Variants in UNC13C observed in about 807,000 individuals in gnomAD.
UNC13C encodes the protein protein unc-13 homolog C.
UNC13C carries 174 observed loss-of-function variants against 245.4 expected under a neutral mutation model. The ratio of observed to expected loss-of-function variants is 0.71; its 90% CI spans 0.63 to 0.80. The LOEUF (loss-of-function observed/expected upper bound fraction) is 0.80. UNC13C is among the 30% of genes least tolerant of loss of function. The pLI is 0.00. For missense variants in UNC13C, 2,829 were observed against 2,602.9 expected (o/e 1.09, Z -1.89); for synonymous variants, 992 against 895.1 (o/e 1.11, Z -1.93).
chr15:53,944,925 T>C, the UNC13C span, among the ~76,000 whole-genome samples: 41 of 152,310 alleles, frequency 2.7e-4, no homozygotes, highest in Admixed American at 1.4e-3. Flanking sequence ...TACCAGCATC[T>C]GTTATTTTTT....
Position 54,250,696 on chromosome 15 carries a change from C to A in UNC13C, c.3448+252C>A, listed in dbSNP as rs79527066. ...AAATTGCACTCTCATCCAGCATAAA[C>A]CTTCAAAGTGACTTCCTATCTATTT... On this transcript the variant is annotated intron_variant, in intron 8 of 32. Coordinates refer to ENST00000260323, the MANE Select transcript of UNC13C (RefSeq NM_001080534.3). 8.7e-3 allele frequency among the ~76,000 whole-genome samples: 1,310 copies of A among 150,476 alleles called. 31 individuals are homozygous for A. The highest frequency in any genetic ancestry group is 0.03 in the African/African-American group (1,236 of 40,800).
chr15:53,966,273 G>C, the UNC13C span, among the ~76,000 whole-genome samples: 2 of 152,066 alleles, frequency 1.3e-5, no homozygotes, highest in Non-Finnish European at 2.9e-5. Flanking sequence ...ATTGATGGTT[G>C]TATCTTTTTC....
At chr15:54,010,593 C>G (rs978777413) in intron 1 of UNC13C, among the ~76,000 whole-genome samples, 2 of 152,118 alleles carry the variant, frequency 1.3e-5, no homozygotes, top group Non-Finnish European at 1.5e-5. Context: ...ATTGCTGAGG[C>G]AGATGTGCTT....
At chr15:54,150,109 T>C (rs1220987006) in intron 4 of UNC13C, among the ~76,000 whole-genome samples, 2 of 152,234 alleles carry the variant, frequency 1.3e-5, no homozygotes, top group African/African-American at 4.8e-5. Flanking sequence ...CTTTTTACTA[T>C]GGTAAAGTAT....
At chr15:54,283,792 T>C (rs1363474863) in intron 10 of UNC13C, among the ~76,000 whole-genome samples, 1 of 152,032 alleles carries the variant, frequency 6.6e-6, no homozygotes, top group African/African-American at 2.4e-5. Flanking sequence ...GTTTTATCGA[T>C]TGGGCGCAGA....
chr15:54,500,836 T>C lies in UNC13C; in HGVS notation c.5159T>C (p.Phe1720Ser), dbSNP rs1894177178. The change falls in exon 22 of 33, where the codon TTC becomes TCC. Residue 1720 changes from phenylalanine to serine, a missense_variant and splice_region_variant. Physicochemically the swap from Phe to Ser is radical, Grantham distance 155. Coordinates refer to ENST00000260323, the MANE Select transcript of UNC13C (RefSeq NM_001080534.3). ...GALGRDKKDGFQQTSEHALFS... is the reference protein window; with the variant it reads ...GALGRDKKDGSQQTSEHALFS... ...TGGTTTCACCTCCTCTCCCCACAGT[T>C]CCAGCAGACATCTGAGCATGCTCTC... 1.2e-6 allele frequency: 2 copies of C among 1,612,494 alleles called. No homozygotes were observed. The highest frequency in any genetic ancestry group is 1.7e-6 in the Non-Finnish European group (2 of 1,179,070).
intron 1 of UNC13C, among the ~76,000 whole-genome samples, chr15:54,002,024 C>T (rs937095932): frequency 6.6e-6 from 1 of 152,250 alleles, no homozygotes; most frequent in East Asian, 1.9e-4. Flanking sequence ...TGGTGGCTCA[C>T]GCCTGTAATC....
At chr15:54,552,410 ATATAT>A (rs1896784969) in intron 28 of UNC13C, among the ~76,000 whole-genome samples, 1 of 4,172 alleles carries the variant, frequency 2.4e-4, no homozygotes, top group South Asian at 8.3e-3. Context: ...TTATATAATT[ATATAT>A]TACAATATAT....
chr15:54,432,821 T>C (rs1363875162), intron 19 of UNC13C, among the ~76,000 whole-genome samples: 1 of 151,934 alleles, frequency 6.6e-6, no homozygotes, highest in East Asian at 1.9e-4. Context: ...GCTGGTTTTT[T>C]GAAAAGATTA....
At position 54,516,040 on chromosome 15, in the gene UNC13C, C is replaced by T. The variant is rs567411405; in HGVS notation, c.5457+4210C>T. Among the ~76,000 whole-genome samples the T allele has an allele frequency of 7.9e-5, 12 of 152,184 alleles. No homozygotes were observed. The South Asian group carries it at 1.2e-3, about 16-fold the overall frequency. Reference sequence around the variant, plus strand: ...TTATTTCAGAGATGTATATCTATGTCGCTTTTAATTTTTAATGACAAATTT... The same window carrying T: ...TTATTTCAGAGATGTATATCTATGTTGCTTTTAATTTTTAATGACAAATTT... On this transcript the variant is annotated intron_variant, in intron 24 of 32. Coordinates refer to ENST00000260323, the MANE Select transcript of UNC13C (RefSeq NM_001080534.3).
chr15:54,494,621 G>A lies in UNC13C; in HGVS notation c.4947G>A (p.Gln1649=). ...MKYALEEHEN[Q]RLCKSTDYMN... The stretch of plus-strand genomic sequence containing the variant: ...TATCTGTTATAGAACATGAAAATCA[G>A]CGGTTATGCAAGAGCACCGATTATA... The change falls in exon 20 of 33, where the codon CAG becomes CAA. Residue 1649 remains glutamine (Q), a synonymous_variant. Coordinates refer to ENST00000260323, the MANE Select transcript of UNC13C (RefSeq NM_001080534.3). 6.2e-7 allele frequency: 1 copy of A among 1,607,572 alleles called. No individual in the cohort carries two copies. The highest frequency in any genetic ancestry group is 8.5e-7 in the Non-Finnish European group (1 of 1,177,310).
chr15:54,565,319 G>T (rs1264727715), intron 29 of UNC13C, among the ~76,000 whole-genome samples: 1 of 151,848 alleles, frequency 6.6e-6, no homozygotes, highest in Non-Finnish European at 1.5e-5. Context: ...TCTGGCTCAT[G>T]ATACAGATTT....
chr15:54,420,477 G>A (rs1015721303), intron 19 of UNC13C, among the ~76,000 whole-genome samples: 1 of 151,770 alleles, frequency 6.6e-6, no homozygotes, highest in Non-Finnish European at 1.5e-5. Context: ...CTCGTTGGTC[G>A]CACAGTTCAG....
At chr15:54,179,555 G>GAGAT (rs1188464366) in intron 4 of UNC13C, among the ~76,000 whole-genome samples, 7 of 151,948 alleles carry the variant, frequency 4.6e-5, no homozygotes, top group African/African-American at 1.7e-4. Context: ...AATATAATTA[G>GAGAT]AGATAGTTCA....
At chr15:53,847,551 A>C in the UNC13C span, among the ~76,000 whole-genome samples, 1 of 148,660 alleles carries the variant, frequency 6.7e-6, no homozygotes, top group East Asian at 2.0e-4. Flanking sequence ...TTTTTAGTAG[A>C]GATGAGGTTT....
At chr15:54,579,846 C>T (rs940969065) in intron 30 of UNC13C, among the ~76,000 whole-genome samples, 1 of 152,134 alleles carries the variant, frequency 6.6e-6, no homozygotes, top group African/African-American at 2.4e-5. Flanking sequence ...GTGGGACCCA[C>T]ATGTTATTGT....
chr15:54,581,782 G>C (rs2141240180), intron 30 of UNC13C, among the ~76,000 whole-genome samples: 1 of 152,316 alleles, frequency 6.6e-6, no homozygotes, highest in South Asian at 2.1e-4. Context: ...AACTCTAGGA[G>C]TCGGGCTCAA....
chr15:54,115,413 T>C (rs931968263), intron 2 of UNC13C, among the ~76,000 whole-genome samples: 2 of 152,112 alleles, frequency 1.3e-5, no homozygotes, highest in African/African-American at 4.8e-5. Flanking sequence ...TTATAATAAG[T>C]CAGTTCCCAT....
chr15:53,877,676 G>A, the UNC13C span, among the ~76,000 whole-genome samples: 1 of 152,090 alleles, frequency 6.6e-6, no homozygotes, highest in Non-Finnish European at 1.5e-5. Flanking sequence ...AACATGTTGA[G>A]GTTAAGTGTA....
Sources: gnomAD v4.1 joint callset for allele counts (sites outside exome capture counted in the v4.1 genomes callset) on GRCh38, gnomAD v4.1.1 for gene constraint, MANE v1.5 for transcripts, NCBI Gene and HGNC (gene_info 2026-07-23, HGNC 2026-07-21) for gene names.